ZNF804A: variants seen among roughly 807,000 people sequenced by gnomAD.
ZNF804A encodes zinc finger protein 804A.
ZNF804A carries 2 observed loss-of-function variants against 16.5 expected under a neutral mutation model. That is an observed-to-expected ratio of 0.12 (90% CI 0.05 to 0.38). The LOEUF is 0.38. ZNF804A is among the 10% of genes least tolerant of loss of function. The pLI is 0.99. For synonymous variants in ZNF804A, 534 were observed against 489.6 expected (o/e 1.09, Z -1.20); for missense variants, 1,473 against 1,390.7 (o/e 1.06, Z -0.94).
At chr2:184,741,992 A>G (rs1268200669) in intron 1 of ZNF804A, among the ~76,000 whole-genome samples, 1 of 152,024 alleles carries the variant, frequency 6.6e-6, no homozygotes, top group Non-Finnish European at 1.5e-5. Flanking sequence ...TTTGCATTTT[A>G]ATTTATATAT....
chr2:184,863,565 A>G (rs1695831377), intron 1 of ZNF804A, among the ~76,000 whole-genome samples: 1 of 151,924 alleles, frequency 6.6e-6, no homozygotes, highest in Non-Finnish European at 1.5e-5. Context: ...AAAAAAAAAA[A>G]ACACCTTACA....
At chr2:184,757,524 G>C (rs2105761629) in intron 1 of ZNF804A, among the ~76,000 whole-genome samples, 1 of 151,968 alleles carries the variant, frequency 6.6e-6, no homozygotes, top group East Asian at 1.9e-4. Flanking sequence ...TAAAGACCAA[G>C]TCATCTTACA....
intron 1 of ZNF804A, among the ~76,000 whole-genome samples, chr2:184,709,311 A>G (rs999666586): frequency 1.3e-5 from 2 of 152,116 alleles, no homozygotes; most frequent in Non-Finnish European, 2.9e-5. Context: ...AAATGAAACC[A>G]AGTCATGTAG....
intron 2 of ZNF804A, among the ~76,000 whole-genome samples, chr2:184,899,107 TA>T (rs1685134950): frequency 1.3e-5 from 2 of 151,986 alleles, no homozygotes; most frequent in South Asian, 4.1e-4. Context: ...GGATTTGACT[TA>T]ATATAAGATA....
At chr2:184,737,537 G>A (rs113108705) in intron 1 of ZNF804A, among the ~76,000 whole-genome samples, 6,247 of 152,118 alleles carry the variant, frequency 0.041, 417 homozygotes, top group African/African-American at 0.14. Context: ...ACATGTTTAT[G>A]TAATTATCAT....
At chr2:184,634,775 G>A (rs1398070401) in intron 1 of ZNF804A, among the ~76,000 whole-genome samples, 1 of 152,150 alleles carries the variant, frequency 6.6e-6, no homozygotes. Context: ...CCAGAACTGT[G>A]ATGTAATCCA....
chr2:184,890,953 A>G (rs1684971256), intron 2 of ZNF804A, among the ~76,000 whole-genome samples: 1 of 152,098 alleles, frequency 6.6e-6, no homozygotes, highest in African/African-American at 2.4e-5. Flanking sequence ...TATGTTGCAC[A>G]TAAACGCAGA....
chr2:184,673,097 A>T (rs1458993550), intron 1 of ZNF804A, among the ~76,000 whole-genome samples: 1 of 152,194 alleles, frequency 6.6e-6, no homozygotes, highest in African/African-American at 2.4e-5. Flanking sequence ...GAGAAAAGAA[A>T]AAAATGAAAT....
chr2:184,860,169 G>C (rs1338127359), intron 1 of ZNF804A, among the ~76,000 whole-genome samples: 2 of 152,228 alleles, frequency 1.3e-5, no homozygotes, highest in African/African-American at 2.4e-5. Context: ...CCGGAGTCCA[G>C]GGCATGTGGA....
At chr2:184,713,794 T>A (rs1298715084) in intron 1 of ZNF804A, among the ~76,000 whole-genome samples, 4 of 151,998 alleles carry the variant, frequency 2.6e-5, no homozygotes, top group African/African-American at 9.7e-5. Flanking sequence ...GCCTTTTGTA[T>A]TAAAATGCAT....
chr2:184,884,517 C>A (rs1035200778), intron 2 of ZNF804A, among the ~76,000 whole-genome samples: 5 of 151,622 alleles, frequency 3.3e-5, no homozygotes, highest in African/African-American at 1.2e-4. Context: ...AAAAAAAAAT[C>A]AAAGCTGGAG....
In ZNF804A at chr2:184,937,571, G is replaced by A. The variant is rs1388661952; in HGVS notation, c.2175G>A (p.Trp725Ter). ...NLTYSRTYCCWKTKMSSCSQD... is the reference protein window; with the variant it reads ...NLTYSRTYCC Reference sequence around the variant, plus strand: ...CATATTCTAGAACTTACTGTTGTTGGAAAACCAAAATGTCAAGCTGTAGTC... The same window carrying A: ...CATATTCTAGAACTTACTGTTGTTGAAAAACCAAAATGTCAAGCTGTAGTC... The change falls in exon 4 of 4, where the codon TGG becomes TGA. Residue 725 changes from tryptophan to a stop codon, truncating the protein, a stop_gained. Transcript: ENST00000302277. LOFTEE classifies it low-confidence loss of function (END_TRUNC). The A allele has an allele frequency of 6.2e-7, 1 of 1,611,990 alleles. No individual in the cohort carries two copies. Among genetic ancestry groups the A allele is most frequent in the South Asian group, 1.1e-5 (1 of 90,846 alleles).
chr2:184,926,386 A>G (rs1185617708), intron 2 of ZNF804A, among the ~76,000 whole-genome samples: 1 of 151,548 alleles, frequency 6.6e-6, no homozygotes, highest in Non-Finnish European at 1.5e-5. Flanking sequence ...TTGGACCTCC[A>G]TATTATATTA....
At position 184,938,435 on chromosome 2, in the gene ZNF804A, TG is replaced by T; in HGVS notation, c.3041del (p.Gly1014ValfsTer5). On this transcript the variant is annotated frameshift_variant, in exon 4 of 4. Transcript: ENST00000302277. LOFTEE classifies it low-confidence loss of function (END_TRUNC). ...PLPFKEAHVS[G>X]HTFVTAEQIL... ...TACCATTCAAAGAAGCACATGTCAG[TG>T]GTCATACTTTTGTAACAGCTGAGCA... The T allele has an allele frequency of 6.2e-7, 1 of 1,614,076 alleles. No homozygotes were observed. Among genetic ancestry groups the T allele is most frequent in the Non-Finnish European group, 8.5e-7 (1 of 1,179,998 alleles).
chr2:184,739,714 T>G (rs1391960284), intron 1 of ZNF804A, among the ~76,000 whole-genome samples: 1 of 152,144 alleles, frequency 6.6e-6, no homozygotes, highest in African/African-American at 2.4e-5. Flanking sequence ...TTTATAGAAC[T>G]AATGCAAAAT....
chr2:184,926,351 A>C (rs1176004371), intron 2 of ZNF804A, among the ~76,000 whole-genome samples: 1 of 151,624 alleles, frequency 6.6e-6, no homozygotes, highest in Non-Finnish European at 1.5e-5. Context: ...TACAGTTTCC[A>C]TTGAAATGGC....
chr2:184,853,574 A>G (rs1462915704), intron 1 of ZNF804A, among the ~76,000 whole-genome samples: 2 of 151,848 alleles, frequency 1.3e-5, no homozygotes, highest in African/African-American at 2.4e-5. Context: ...TATTCCTTCT[A>G]TATCTAATTT....
chr2:184,875,204 C>G (rs1276147267), intron 2 of ZNF804A, among the ~76,000 whole-genome samples: 3 of 152,112 alleles, frequency 2.0e-5, no homozygotes, highest in Non-Finnish European at 2.9e-5. Context: ...AAGTTAAGAG[C>G]TATGTGTTAG....
chr2:184,773,695 A>G (rs1278307079), intron 1 of ZNF804A, among the ~76,000 whole-genome samples: 1 of 151,902 alleles, frequency 6.6e-6, no homozygotes, highest in Non-Finnish European at 1.5e-5. Flanking sequence ...CAGGTTGGGT[A>G]CAATGTACAC....
Sources: gnomAD v4.1 joint callset for allele counts (sites outside exome capture counted in the v4.1 genomes callset) on GRCh38, gnomAD v4.1.1 for gene constraint, MANE v1.5 for transcripts, NCBI Gene and HGNC (gene_info 2026-07-23, HGNC 2026-07-21) for gene names.